SPATS2: variants seen among roughly 807,000 people sequenced by gnomAD.
SPATS2 encodes spermatogenesis associated serine rich 2, also known as spermatogenesis-associated serine-rich protein 2.
A neutral mutation model predicts 63.7 loss-of-function variants in SPATS2; 38 were observed. That is an observed-to-expected ratio of 0.60 (90% CI 0.46 to 0.78). SPATS2 has a LOEUF of 0.78. Among genes scored for constraint, SPATS2 ranks in the 30% least tolerant of loss-of-function variants. The probability of loss-of-function intolerance (pLI) is 0.00; values close to 1 mark genes in which losing one functional copy is unlikely to be tolerated. For missense variants in SPATS2, 588 were observed against 666.2 expected (o/e 0.88, Z 1.29); for synonymous variants, 207 against 232.9 (o/e 0.89, Z 1.01).
At chr12:49,501,387 G>A (rs1946565147) in intron 9 of SPATS2, among the ~76,000 whole-genome samples, 1 of 152,108 alleles carries the variant, frequency 6.6e-6, no homozygotes, top group Non-Finnish European at 1.5e-5. Flanking sequence ...ATTTTCTAAT[G>A]AACCCACTCT....
intron 2 of SPATS2, among the ~76,000 whole-genome samples, chr12:49,455,246 T>A (rs1293799028): frequency 6.6e-6 from 1 of 152,190 alleles, no homozygotes; most frequent in East Asian, 1.9e-4. Flanking sequence ...TCTTTGTGTG[T>A]TGGGAACTGC....
intron 3 of SPATS2, among the ~76,000 whole-genome samples, chr12:49,470,130 C>G (rs1946008928): frequency 6.6e-6 from 1 of 151,962 alleles, no homozygotes; most frequent in Non-Finnish European, 1.5e-5. Flanking sequence ...CTCCCAGGTT[C>G]AAGTGATTCT....
In SPATS2 at chr12:49,381,837, G is replaced by A. The variant is rs948455146; in HGVS notation, c.-244+10547G>A. Among the ~76,000 whole-genome samples, 11 of 152,322 alleles carry A rather than the reference G, an allele frequency of 7.2e-5. No individual in the cohort carries two copies. In the South Asian group the frequency reaches 1.7e-3, roughly 23 times the overall value. On this transcript the variant is annotated intron_variant, in intron 2 of 13. Coordinates refer to ENST00000552918, the MANE Select transcript of SPATS2 (RefSeq NM_023071.4). ...AAGTAATTTAGAATTTTATCCTCCA[G>A]TTGGGACTGAACCATCTTGAACTGA...
chr12:49,380,575 G>A (rs894584839), intron 2 of SPATS2, among the ~76,000 whole-genome samples: 19 of 151,976 alleles, frequency 1.3e-4, no homozygotes, highest in East Asian at 3.9e-4. Flanking sequence ...GTGTGGTGGC[G>A]TGCGCCTGTA....
At chr12:49,520,426 A>G (rs1946921401) in intron 11 of SPATS2, among the ~76,000 whole-genome samples, 2 of 151,806 alleles carry the variant, frequency 1.3e-5, no homozygotes, top group Admixed American at 6.6e-5. Flanking sequence ...CCCAGTTACC[A>G]CCCTTGACCT....
intron 2 of SPATS2, among the ~76,000 whole-genome samples, chr12:49,413,394 T>G (rs1944832991): frequency 6.6e-6 from 1 of 152,128 alleles, no homozygotes; most frequent in Non-Finnish European, 1.5e-5. Flanking sequence ...AATTTTAATT[T>G]TTTTTTTCCC....
At chr12:49,376,781 G>A (rs539241638) in intron 2 of SPATS2, among the ~76,000 whole-genome samples, 11 of 136,272 alleles carry the variant, frequency 8.1e-5, no homozygotes, top group African/African-American at 3.1e-4. Context: ...GCAGTGGTGC[G>A]ATCTCAGCTC....
intron 2 of SPATS2, among the ~76,000 whole-genome samples, chr12:49,408,004 A>AGAC (rs1461275779): frequency 6.6e-6 from 1 of 152,370 alleles, no homozygotes; most frequent in African/African-American, 2.4e-5. Flanking sequence ...GACACAAAGC[A>AGAC]GACGACTGAT....
intron 2 of SPATS2, among the ~76,000 whole-genome samples, chr12:49,393,128 AT>A (rs887997318): frequency 9.3e-5 from 14 of 150,476 alleles, no homozygotes; most frequent in Admixed American, 2.0e-4. Flanking sequence ...TTGGAGTCGT[AT>A]TTTTTTTTAA....
intron 2 of SPATS2, among the ~76,000 whole-genome samples, chr12:49,432,944 C>G (rs958252191): frequency 1.3e-5 from 2 of 152,092 alleles, no homozygotes; most frequent in Non-Finnish European, 2.9e-5. Context: ...GTTGGGAGTC[C>G]TGGATCATGT....
At chr12:49,509,273 C>CTTTTTTTTTTT (rs1186617900) in intron 9 of SPATS2, among the ~76,000 whole-genome samples, 1 of 77,804 alleles carries the variant, frequency 1.3e-5, no homozygotes, top group Non-Finnish European at 2.3e-5. Flanking sequence ...GTTCTAACTT[C>CTTTTTTTTTTT]TTTTTTTTTT....
chr12:49,385,836 GTTTT>G (rs199632118), intron 2 of SPATS2, among the ~76,000 whole-genome samples: 1 of 143,128 alleles, frequency 7.0e-6, no homozygotes, highest in Non-Finnish European at 1.5e-5. Flanking sequence ...GGTTTTTTTT[GTTTT>G]TTGTTTGTTT....
At chr12:49,423,182 G>C (rs1242762718) in intron 2 of SPATS2, among the ~76,000 whole-genome samples, 1 of 151,734 alleles carries the variant, frequency 6.6e-6, no homozygotes, top group Admixed American at 6.6e-5. Context: ...GCCCAGGCTG[G>C]AGTGCAGTGG....
intron 2 of SPATS2, among the ~76,000 whole-genome samples, chr12:49,382,443 C>T (rs75178216): frequency 0.092 from 14,037 of 152,090 alleles, 759 homozygotes; most frequent in African/African-American, 0.14. Flanking sequence ...ATTTTTATAC[C>T]GTATGAAGTG....
At chr12:49,381,045 ATTTG>A in intron 2 of SPATS2, among the ~76,000 whole-genome samples, 1 of 135,500 alleles carries the variant, frequency 7.4e-6, no homozygotes, top group East Asian at 1.9e-4. Flanking sequence ...CCTTGTCAAC[ATTTG>A]TTGTTGTTGT....
chr12:49,451,891 G>C (rs957618086), intron 2 of SPATS2, among the ~76,000 whole-genome samples: 4 of 152,122 alleles, frequency 2.6e-5, no homozygotes, highest in African/African-American at 7.2e-5. Context: ...TCAAATTCTT[G>C]GTTGCTGGTT....
intron 6 of SPATS2, among the ~76,000 whole-genome samples, chr12:49,491,534 AC>A (rs1946382624): frequency 1.3e-5 from 2 of 151,922 alleles, no homozygotes; most frequent in Non-Finnish European, 2.9e-5. Flanking sequence ...ACATGATGAA[AC>A]CTGATCTCAA....
chr12:49,508,294 G>T (rs572098176), intron 9 of SPATS2, among the ~76,000 whole-genome samples: 47 of 151,942 alleles, frequency 3.1e-4, no homozygotes, highest in Non-Finnish European at 5.3e-4. Flanking sequence ...TGCTACCTCT[G>T]CCTCCCGGGT....
chr12:49,452,253 C>T (rs976027693), intron 2 of SPATS2, among the ~76,000 whole-genome samples: 1 of 152,120 alleles, frequency 6.6e-6, no homozygotes, highest in Non-Finnish European at 1.5e-5. Flanking sequence ...GACATTGTTC[C>T]ACACATTTCT....
Sources: gnomAD v4.1 joint callset for allele counts (sites outside exome capture counted in the v4.1 genomes callset) on GRCh38, gnomAD v4.1.1 for gene constraint, MANE v1.5 for transcripts, NCBI Gene and HGNC (gene_info 2026-07-23, HGNC 2026-07-21) for gene names.